Variants in ZNF521 observed in about 807,000 individuals in gnomAD.
The protein encoded by ZNF521 is zinc finger protein 521.
Under a neutral mutation model 105.5 loss-of-function variants are expected in ZNF521, and 14 were observed. The observed-to-expected ratio is 0.13, with a 90% CI of 0.09 to 0.21. The LOEUF (loss-of-function observed/expected upper bound fraction) is 0.21. ZNF521 is among the 10% of genes least tolerant of loss of function. The pLI is 1.00. For synonymous variants in ZNF521, 635 were observed against 606.0 expected (o/e 1.05, Z -0.70); for missense variants, 1,233 against 1,629.7 (o/e 0.76, Z 4.19).
chr18:25,085,697 T>C (rs114944336), intron 7 of ZNF521, among the ~76,000 whole-genome samples: 1,859 of 151,330 alleles, frequency 0.012, 44 homozygotes, highest in African/African-American at 0.043. Flanking sequence ...ACATATATGG[T>C]GGCAAGTAAT....
chr18:25,081,917 A>G (rs1189857055), intron 7 of ZNF521, among the ~76,000 whole-genome samples: 1 of 152,196 alleles, frequency 6.6e-6, no homozygotes, highest in Non-Finnish European at 1.5e-5. Context: ...GTCCTATGTG[A>G]TTAACTTTCT....
At chr18:25,142,045 C>G (rs2034858346) in intron 5 of ZNF521, among the ~76,000 whole-genome samples, 1 of 152,146 alleles carries the variant, frequency 6.6e-6, no homozygotes. Context: ...GCTTAAGACA[C>G]TAAATGTTTT....
chr18:25,314,751 T>A (rs1458129978), intron 3 of ZNF521, among the ~76,000 whole-genome samples: 2 of 152,254 alleles, frequency 1.3e-5, no homozygotes, highest in African/African-American at 4.8e-5. Context: ...TCTGCGATTA[T>A]GCCCAGGCAA....
chr18:25,106,022 T>A (rs2034066046), intron 5 of ZNF521, among the ~76,000 whole-genome samples: 1 of 152,172 alleles, frequency 6.6e-6, no homozygotes, highest in Non-Finnish European at 1.5e-5. Context: ...GTTTTGTTGT[T>A]GTTGTTGTTG....
intron 3 of ZNF521, among the ~76,000 whole-genome samples, chr18:25,255,484 T>C (rs916819535): frequency 6.6e-6 from 1 of 152,144 alleles, no homozygotes; most frequent in Non-Finnish European, 1.5e-5. Flanking sequence ...TTCAGATATG[T>C]AGTAACTGAA....
chr18:25,289,813 G>A (rs1284780150), intron 3 of ZNF521, among the ~76,000 whole-genome samples: 5 of 152,082 alleles, frequency 3.3e-5, no homozygotes, highest in African/African-American at 4.8e-5. Context: ...TTAAAAATGC[G>A]GCTAGCTAGA....
At position 25,259,195 on chromosome 18, in the gene ZNF521, A is replaced by G. The variant is rs184040772; in HGVS notation, c.221-31498T>C. Reference sequence around the variant, plus strand: ...TCTTTTTGTTTTAATCTTTTTACCCAGCGTAGGTACCAGGAGGGATCTCTG... The same window carrying G: ...TCTTTTTGTTTTAATCTTTTTACCCGGCGTAGGTACCAGGAGGGATCTCTG... On this transcript the variant is annotated intron_variant, in intron 3 of 7. Coordinates refer to ENST00000361524, the MANE Select transcript of ZNF521 (RefSeq NM_015461.3). 2.7e-3 allele frequency among the ~76,000 whole-genome samples: 408 copies of G among 152,280 alleles called. 2 individuals are homozygous for G. Among genetic ancestry groups the G allele is most frequent in the African/African-American group, 9.4e-3 (389 of 41,574 alleles).
At chr18:25,349,080 T>C (rs1443873513) in intron 2 of ZNF521, among the ~76,000 whole-genome samples, 1 of 151,198 alleles carries the variant, frequency 6.6e-6, no homozygotes, top group Non-Finnish European at 1.5e-5. Context: ...AAAAGAAAAA[T>C]CCCTCCCAAA....
intron 3 of ZNF521, among the ~76,000 whole-genome samples, chr18:25,303,271 C>CGTGTGTGTGTGTGTGTGT (rs756904913): frequency 1.5e-5 from 2 of 132,612 alleles, no homozygotes; most frequent in Non-Finnish European, 3.1e-5. Flanking sequence ...TTCTTTCTTT[C>CGTGTGTGTGTGTGTGTGT]GTGTGTGTGT....
intron 3 of ZNF521, among the ~76,000 whole-genome samples, chr18:25,308,472 A>G (rs1169984444): frequency 6.6e-6 from 1 of 152,126 alleles, no homozygotes; most frequent in African/African-American, 2.4e-5. Flanking sequence ...CACATTTTCT[A>G]CAGCTTAAAA....
intron 2 of ZNF521, among the ~76,000 whole-genome samples, chr18:25,350,600 C>T (rs1459581842): frequency 6.6e-6 from 1 of 150,638 alleles, no homozygotes; most frequent in South Asian, 2.1e-4. Context: ...TTTTTTTCCT[C>T]CCTCTCCGGA....
At chr18:25,343,338 A>G (rs1914312133) in intron 2 of ZNF521, among the ~76,000 whole-genome samples, 1 of 152,206 alleles carries the variant, frequency 6.6e-6, no homozygotes, top group Admixed American at 6.5e-5. Flanking sequence ...TTGGAAAAAA[A>G]TCCAATTTTT....
intron 3 of ZNF521, among the ~76,000 whole-genome samples, chr18:25,298,132 T>G (rs533716073): frequency 2.0e-5 from 3 of 152,326 alleles, no homozygotes; most frequent in Middle Eastern, 3.4e-3. Context: ...TGAGTTACTA[T>G]TGTCAGAGAG....
chr18:25,066,233 G>T (rs1165168289), intron 7 of ZNF521, among the ~76,000 whole-genome samples: 1 of 152,148 alleles, frequency 6.6e-6, no homozygotes, highest in Non-Finnish European at 1.5e-5. Context: ...TGATGCTCAT[G>T]GTGGAAGGCA....
chr18:25,218,623 G>C (rs763120696), intron 4 of ZNF521, among the ~76,000 whole-genome samples: 23 of 150,184 alleles, frequency 1.5e-4, no homozygotes, highest in Non-Finnish European at 2.2e-4. Context: ...CTGTACTCAA[G>C]CCTGGGCCAC....
intron 3 of ZNF521, among the ~76,000 whole-genome samples, chr18:25,235,256 A>G (rs1906808818): frequency 6.6e-6 from 1 of 152,194 alleles, no homozygotes; most frequent in African/African-American, 2.4e-5. Flanking sequence ...AATCCTTTGC[A>G]CCAGTGTGAA....
At chr18:25,262,921 G>A (rs1488220173) in intron 3 of ZNF521, among the ~76,000 whole-genome samples, 1 of 152,198 alleles carries the variant, frequency 6.6e-6, no homozygotes, top group Admixed American at 6.5e-5. Context: ...AAACAGCTTT[G>A]TCCATTGCAA....
intron 3 of ZNF521, among the ~76,000 whole-genome samples, chr18:25,229,647 A>G (rs1300483266): frequency 2.0e-5 from 3 of 152,246 alleles, no homozygotes. Context: ...CAAGGTTTCA[A>G]ATATTTACCC....
intron 2 of ZNF521, among the ~76,000 whole-genome samples, chr18:25,329,613 G>A (rs1275962752): frequency 1.3e-5 from 2 of 152,312 alleles, no homozygotes; most frequent in African/African-American, 4.8e-5. Context: ...GGGCGAGGGA[G>A]GGATAGACCA....
Sources: gnomAD v4.1 joint callset for allele counts (sites outside exome capture counted in the v4.1 genomes callset) on GRCh38, gnomAD v4.1.1 for gene constraint, MANE v1.5 for transcripts, NCBI Gene and HGNC (gene_info 2026-07-23, HGNC 2026-07-21) for gene names.